The following NHSL2 variants were observed in gnomAD, a reference collection of about 807,000 sequenced individuals.
NHSL2 encodes NHS like 2.
In NHSL2, 27 loss-of-function variants were observed where a neutral mutation model predicts 53.4. The observed-to-expected ratio is 0.51, with a 90% CI of 0.37 to 0.70. The LOEUF (loss-of-function observed/expected upper bound fraction) is 0.70, where lower values mean the gene tolerates loss of function less well. NHSL2 is among the 30% of genes least tolerant of loss of function. The pLI, the probability that NHSL2 is intolerant of heterozygous loss-of-function variation, is 0.00. For synonymous variants in NHSL2, 408 were observed against 404.1 expected (o/e 1.01, Z -0.12); for missense variants, 892 against 980.1 (o/e 0.91, Z 1.20).
intron 1 of NHSL2, among the ~76,000 whole-genome samples, chrX:72,106,574 A>T (rs1401207725): frequency 9.0e-6 from 1 of 111,707 alleles, no homozygotes; most frequent in Non-Finnish European, 1.9e-5. Context: ...TCAGGGATCT[A>T]GAACTAGAAA....
intron 1 of NHSL2, among the ~76,000 whole-genome samples, chrX:71,965,051 C>A (rs2041895331): frequency 9.0e-6 from 1 of 111,588 alleles, no homozygotes; most frequent in Non-Finnish European, 1.9e-5. Flanking sequence ...GTACTTTCTA[C>A]TCAATTTTTC....
At chrX:71,974,258 A>C (rs143319694) in intron 1 of NHSL2, among the ~76,000 whole-genome samples, 1 of 111,837 alleles carries the variant, frequency 8.9e-6, no homozygotes, top group Non-Finnish European at 1.9e-5. Flanking sequence ...TCTGTATATC[A>C]TCTCTACTAG....
chrX:71,970,975 G>T (rs1280447802), intron 1 of NHSL2, among the ~76,000 whole-genome samples: 1 of 110,758 alleles, frequency 9.0e-6, no homozygotes, highest in African/African-American at 3.3e-5. Flanking sequence ...TAGAGCCACG[G>T]TCTTGCTATA....
intron 1 of NHSL2, chrX:72,130,877 C>T (rs769250536): frequency 2.5e-6 from 3 of 1,211,760 alleles, no homozygotes; most frequent in South Asian, 3.5e-5. Context: ...CGGATTTCAT[C>T]CAGGAAGCGC....
At chrX:71,970,508 G>C (rs762297745) in intron 1 of NHSL2, among the ~76,000 whole-genome samples, 7 of 110,963 alleles carry the variant, frequency 6.3e-5, no homozygotes, top group Non-Finnish European at 1.3e-4. Flanking sequence ...TACCGAATTT[G>C]TTGCCATATA....
At chrX:71,983,963 C>A (rs766820059) in intron 1 of NHSL2, among the ~76,000 whole-genome samples, 1 of 111,435 alleles carries the variant, frequency 9.0e-6, no homozygotes, top group African/African-American at 3.3e-5. Context: ...CATGCTGTGA[C>A]TAAGAAGGCC....
Position 72,152,164 on chromosome X carries a change from C to T in NHSL2, c.*8590C>T, listed in dbSNP as rs1421524782. ...AAAGCTTCTTCACGTCTCTCTCCAT[C>T]CTGCTCCCATCTCCACCTCTAATGC... On this transcript the variant is annotated 3_prime_UTR_variant, in exon 8 of 8. Coordinates refer to ENST00000633930, the MANE Select transcript of NHSL2 (RefSeq NM_001013627.3). 1 of 113,038 alleles carries T rather than the reference C, an allele frequency of 8.8e-6. No homozygotes were observed. The highest frequency in any genetic ancestry group is 1.9e-5 in the Non-Finnish European group (1 of 53,359). The allele number at this position is 113,038 out of a possible 1,213,427, so 9.3% of individuals were successfully genotyped here.
At chrX:71,970,657 T>G (rs1426809468) in intron 1 of NHSL2, among the ~76,000 whole-genome samples, 5 of 110,710 alleles carry the variant, frequency 4.5e-5, no homozygotes, top group African/African-American at 1.6e-4. Flanking sequence ...AACCAACTTT[T>G]GGTTTCTTTA....
chrX:71,949,526 C>T (rs73559844), intron 1 of NHSL2, among the ~76,000 whole-genome samples: 1,631 of 111,291 alleles, frequency 0.015, 20 homozygotes, highest in African/African-American at 0.05. Flanking sequence ...GGGAGTGAGC[C>T]GATTTGTCCC....
chrX:71,930,523 C>T (rs1435729827), intron 1 of NHSL2, among the ~76,000 whole-genome samples: 1 of 112,505 alleles, frequency 8.9e-6, no homozygotes, highest in Non-Finnish European at 1.9e-5. Context: ...AAAGGAAATT[C>T]CATTCCCCTT....
At chrX:72,091,323 G>A (rs1389226091) in intron 1 of NHSL2, among the ~76,000 whole-genome samples, 2 of 111,580 alleles carry the variant, frequency 1.8e-5, no homozygotes, top group Non-Finnish European at 1.9e-5. Context: ...GCGTGGTGGT[G>A]GGCGCCTGTA....
intron 1 of NHSL2, among the ~76,000 whole-genome samples, chrX:71,922,773 A>G (rs191488855): frequency 1.8e-5 from 2 of 112,687 alleles, no homozygotes; most frequent in East Asian, 5.6e-4. Flanking sequence ...AATACTGAAA[A>G]GTGGGAAACA....
At chrX:71,919,422 C>G (rs984989587) in intron 1 of NHSL2, among the ~76,000 whole-genome samples, 1 of 112,246 alleles carries the variant, frequency 8.9e-6, no homozygotes, top group African/African-American at 3.2e-5. Flanking sequence ...TCACTAAATA[C>G]TAAGAAGGTG....
At chrX:72,140,968 C>T (rs1156917339) in intron 6 of NHSL2, 197 bp downstream of exon 6, 3 of 364,895 alleles carry the variant, frequency 8.2e-6, no homozygotes, top group Middle Eastern at 7.7e-4. Context: ...AAGACTAGCC[C>T]GAGGCAGATC....
Position 71,949,242 on chromosome X carries a change from C to T in NHSL2, c.280+37875C>T, listed in dbSNP as rs968592059. The stretch of plus-strand genomic sequence containing the variant: ...AATGTTGGCACAGCTATGCCAGATC[C>T]CCCAACAAGAAAAGTAGCATAGAGG... On this transcript the variant is annotated intron_variant, in intron 1 of 7. Transcript: ENST00000633930. 2.7e-5 allele frequency among the ~76,000 whole-genome samples: 3 copies of T among 111,032 alleles called. No individual in the cohort carries two copies. The Admixed American group carries it at 2.9e-4, about 11-fold the overall frequency.
Position 72,144,716 on chromosome X carries a change from A to G in NHSL2, c.*1142A>G, listed in dbSNP as rs945925988. ...TATGGCCCATAATGCACACACACAC[A>G]CACACACACACACACACACACACAC... On this transcript the variant is annotated 3_prime_UTR_variant, in exon 8 of 8. Coordinates refer to ENST00000633930, the MANE Select transcript of NHSL2 (RefSeq NM_001013627.3). 1.4e-4 allele frequency: 25 copies of G among 173,130 alleles called. No homozygotes were observed. In the East Asian group the frequency reaches 4.7e-3, roughly 33 times the overall value. 14.3% of individuals were successfully genotyped at this position (173,130 alleles called of 1,213,427 possible).
chrX:72,071,532 C>T (rs2041701197), intron 1 of NHSL2, among the ~76,000 whole-genome samples: 1 of 111,699 alleles, frequency 9.0e-6, no homozygotes, highest in Admixed American at 9.4e-5. Flanking sequence ...TGGGAACAGC[C>T]TCTGGCAGCA....
chrX:71,992,998 C>T (rs144213371), intron 1 of NHSL2, among the ~76,000 whole-genome samples: 1 of 112,054 alleles, frequency 8.9e-6, no homozygotes, highest in East Asian at 2.8e-4. Context: ...GCTCTGGCAG[C>T]GACAGGAACA....
chrX:72,093,643 C>G (rs968038182), intron 1 of NHSL2, among the ~76,000 whole-genome samples: 4 of 112,537 alleles, frequency 3.6e-5, no homozygotes, highest in Non-Finnish European at 7.5e-5. Flanking sequence ...CACCTTATTA[C>G]TAGCAATGGA....
Sources: allele counts gnomAD v4.1 joint callset (sites outside exome capture counted in the v4.1 genomes callset), GRCh38; gene constraint gnomAD v4.1.1; transcripts MANE v1.5; gene names NCBI Gene and HGNC (gene_info 2026-07-23, HGNC 2026-07-21).